Variants in GALNTL6 observed in about 807,000 individuals in gnomAD.
The protein encoded by GALNTL6 is polypeptide N-acetylgalactosaminyltransferase-like 6.
In GALNTL6, 46 loss-of-function variants were observed where a neutral mutation model predicts 73.7. That is an observed-to-expected ratio of 0.62 (90% confidence interval 0.49 to 0.80). The LOEUF (loss-of-function observed/expected upper bound fraction) is 0.80. Ranked by LOEUF, GALNTL6 falls within the 30% of genes least tolerant of loss-of-function variation. The pLI, the probability that GALNTL6 is intolerant of heterozygous loss-of-function variation, is 0.00. For synonymous variants in GALNTL6, 259 were observed against 263.7 expected (o/e 0.98, Z 0.17); for missense variants, 604 against 755.0 (o/e 0.80, Z 2.34).
chr4:172,240,179 A>C (rs1737371295), intron 3 of GALNTL6, among the ~76,000 whole-genome samples: 1 of 151,890 alleles, frequency 6.6e-6, no homozygotes, highest in Admixed American at 6.6e-5. Context: ...TGAGTTACAG[A>C]TTTCATCTCT....
intron 5 of GALNTL6, among the ~76,000 whole-genome samples, chr4:172,495,358 C>T (rs1181315005): frequency 6.6e-6 from 1 of 152,208 alleles, no homozygotes; most frequent in African/African-American, 2.4e-5. Flanking sequence ...TCCAGCTCTA[C>T]ACTCCTGACT....
chr4:172,659,639 G>C (rs1731267432), intron 5 of GALNTL6, among the ~76,000 whole-genome samples: 1 of 152,134 alleles, frequency 6.6e-6, no homozygotes, highest in Non-Finnish European at 1.5e-5. Context: ...TGCCTAATTG[G>C]ATAGGCCATA....
chr4:172,074,917 CTG>C (rs1270615701), intron 2 of GALNTL6, among the ~76,000 whole-genome samples: 3 of 152,134 alleles, frequency 2.0e-5, no homozygotes, highest in Non-Finnish European at 4.4e-5. Context: ...AACTTTTAAC[CTG>C]TGTAATGGTA....
intron 12 of GALNTL6, among the ~76,000 whole-genome samples, chr4:173,034,468 A>G (rs1182502998): frequency 6.6e-6 from 1 of 152,042 alleles, no homozygotes; most frequent in African/African-American, 2.4e-5. Flanking sequence ...ATACCATATG[A>G]CTTGCTGGTC....
intron 8 of GALNTL6, among the ~76,000 whole-genome samples, chr4:172,913,533 AG>A (rs1195754004): frequency 6.6e-6 from 1 of 152,222 alleles, no homozygotes; most frequent in African/African-American, 2.4e-5. Flanking sequence ...TAAACAGCAT[AG>A]AGAAGACCTT....
intron 8 of GALNTL6, among the ~76,000 whole-genome samples, chr4:172,886,556 G>A (rs1012742333): frequency 6.6e-6 from 1 of 152,206 alleles, no homozygotes; most frequent in Non-Finnish European, 1.5e-5. Context: ...ACAAGGTCAG[G>A]AGTTCGAGAC....
intron 5 of GALNTL6, among the ~76,000 whole-genome samples, chr4:172,527,116 GAAC>G (rs1357560825): frequency 2.0e-5 from 3 of 152,132 alleles, no homozygotes; most frequent in Non-Finnish European, 4.4e-5. Context: ...AGCATTGTAA[GAAC>G]AACATGCAAG....
intron 7 of GALNTL6, among the ~76,000 whole-genome samples, chr4:172,877,453 A>G (rs1055816306): frequency 3.3e-5 from 5 of 152,092 alleles, no homozygotes; most frequent in African/African-American, 9.7e-5. Flanking sequence ...AAGATGATCA[A>G]CTACACATTT....
intron 8 of GALNTL6, among the ~76,000 whole-genome samples, chr4:172,909,289 A>G (rs1210431104): frequency 6.6e-6 from 1 of 151,434 alleles, no homozygotes; most frequent in Non-Finnish European, 1.5e-5. Flanking sequence ...GAATAGAGAT[A>G]GTCTCCTAAG....
At chr4:171,833,274 T>C (rs1032483178) in intron 2 of GALNTL6, among the ~76,000 whole-genome samples, 1 of 151,696 alleles carries the variant, frequency 6.6e-6, no homozygotes, top group Non-Finnish European at 1.5e-5. Flanking sequence ...TATGAATTTA[T>C]ATTTTATTAT....
intron 7 of GALNTL6, among the ~76,000 whole-genome samples, chr4:172,832,787 GTC>G (rs764228344): frequency 2.0e-5 from 3 of 152,124 alleles, no homozygotes; most frequent in Non-Finnish European, 2.9e-5. Flanking sequence ...TCTGTCTCTC[GTC>G]TCTCTCTCCT....
At chr4:171,943,844 A>C (rs2111018380) in intron 2 of GALNTL6, among the ~76,000 whole-genome samples, 1 of 152,220 alleles carries the variant, frequency 6.6e-6, no homozygotes, top group South Asian at 2.1e-4. Context: ...TCCTACGGGT[A>C]GGCTTTTTTT....
chr4:172,116,584 C>A (rs1403917943), intron 2 of GALNTL6, among the ~76,000 whole-genome samples: 1 of 152,094 alleles, frequency 6.6e-6, no homozygotes, highest in African/African-American at 2.4e-5. Context: ...TTTTTAACTA[C>A]ATTGATATTC....
chr4:171,893,494 C>A (rs1442150927), intron 2 of GALNTL6, among the ~76,000 whole-genome samples: 3 of 151,990 alleles, frequency 2.0e-5, no homozygotes, highest in Non-Finnish European at 4.4e-5. Context: ...GGAATAGAGA[C>A]ATCAGAATAC....
chr4:172,076,081 A>G (rs1315065814), intron 2 of GALNTL6, among the ~76,000 whole-genome samples: 1 of 152,196 alleles, frequency 6.6e-6, no homozygotes, highest in Non-Finnish European at 1.5e-5. Context: ...TGTAAATGAC[A>G]TGCACCAGGT....
At chr4:172,999,280 C>G (rs188381270) in intron 10 of GALNTL6, among the ~76,000 whole-genome samples, 49 of 152,200 alleles carry the variant, frequency 3.2e-4, no homozygotes, top group Non-Finnish European at 5.9e-5. Flanking sequence ...GAGGGCTGCT[C>G]TCTTCCACCC....
intron 2 of GALNTL6, among the ~76,000 whole-genome samples, chr4:172,155,955 T>C (rs1734239411): frequency 6.6e-6 from 1 of 152,138 alleles, no homozygotes; most frequent in African/African-American, 2.4e-5. Context: ...AATTAATATT[T>C]ACATACTTCA....
intron 5 of GALNTL6, among the ~76,000 whole-genome samples, chr4:172,646,793 A>G (rs948613208): frequency 6.6e-6 from 1 of 152,072 alleles, no homozygotes; most frequent in African/African-American, 2.4e-5. Flanking sequence ...GCTTCAATCA[A>G]TCATATTGTT....
chr4:172,085,067 G>A lies in GALNTL6; in HGVS notation c.139-144589G>A, dbSNP rs112351183. Among the ~76,000 whole-genome samples, 6 of 152,100 alleles carry A rather than the reference G, an allele frequency of 3.9e-5. No homozygotes were observed. In the South Asian group the frequency reaches 1.2e-3, roughly 32 times the overall value. The stretch of plus-strand genomic sequence containing the variant: ...TTAGAAAATTATAATAGAATATATT[G>A]TAAGCAAAAAATAATACATATAAAT... On this transcript the variant is annotated intron_variant, in intron 2 of 12. Coordinates refer to ENST00000506823, the MANE Select transcript of GALNTL6 (RefSeq NM_001034845.3).
Sources: gnomAD v4.1 joint callset for allele counts (sites outside exome capture counted in the v4.1 genomes callset) on GRCh38, gnomAD v4.1.1 for gene constraint, MANE v1.5 for transcripts, NCBI Gene and HGNC (gene_info 2026-07-23, HGNC 2026-07-21) for gene names.